The following STK33 variants were observed in gnomAD, a reference collection of about 807,000 sequenced individuals.
STK33 encodes serine/threonine-protein kinase 33.
Under a neutral mutation model 58.0 loss-of-function variants are expected in STK33, and 52 were observed. That is an observed-to-expected ratio of 0.90 (90% CI 0.72 to 1.13). The LOEUF is 1.13. Among genes scored for constraint, STK33 ranks in the 50% most tolerant of loss-of-function variants. The pLI is 0.00. For missense variants in STK33, 630 were observed against 604.2 expected, an observed-to-expected ratio of 1.04 and a Z score of -0.45; for synonymous variants, 215 against 200.1, an observed-to-expected ratio of 1.07 and a Z score of -0.63.
the STK33 span, among the ~76,000 whole-genome samples, chr11:8,355,050 G>A: frequency 6.6e-6 from 1 of 152,268 alleles, no homozygotes; most frequent in African/African-American, 2.4e-5. Flanking sequence ...ACGGGTTCAA[G>A]CAGCGGCCGC....
At chr11:8,531,881 A>G (rs1302059554) in intron 1 of STK33, among the ~76,000 whole-genome samples, 1 of 152,230 alleles carries the variant, frequency 6.6e-6, no homozygotes, top group Non-Finnish European at 1.5e-5. Flanking sequence ...TAGAGGAAAT[A>G]ATTTTCTAGC....
intron 1 of STK33, among the ~76,000 whole-genome samples, chr11:8,515,716 G>T (rs954875761): frequency 1.3e-5 from 2 of 152,070 alleles, no homozygotes; most frequent in African/African-American, 4.8e-5. Flanking sequence ...CATATTAACA[G>T]AATTGAAAAT....
intron 14 of STK33, among the ~76,000 whole-genome samples, chr11:8,432,255 T>A (rs1943513540): frequency 6.6e-6 from 1 of 152,206 alleles, no homozygotes; most frequent in Admixed American, 6.5e-5. Flanking sequence ...GGGGAACTTG[T>A]TAAAAATGTA....
chr11:8,546,140 G>C (rs556307651), intron 1 of STK33, among the ~76,000 whole-genome samples: 6 of 152,324 alleles, frequency 3.9e-5, no homozygotes, highest in African/African-American at 1.4e-4. Flanking sequence ...TTGCAGGACA[G>C]GAAGATACTC....
intron 1 of STK33, among the ~76,000 whole-genome samples, chr11:8,546,141 G>C (rs1955893281): frequency 6.6e-6 from 1 of 152,212 alleles, no homozygotes; most frequent in Non-Finnish European, 1.5e-5. Flanking sequence ...TGCAGGACAG[G>C]AAGATACTCT....
chr11:8,546,271 T>C (rs1193605506), intron 1 of STK33, among the ~76,000 whole-genome samples: 1 of 152,192 alleles, frequency 6.6e-6, no homozygotes, highest in Non-Finnish European at 1.5e-5. Context: ...TTAAAACTTT[T>C]TCTTTCTTCA....
chr11:8,569,779 A>C (rs1957678486), intron 1 of STK33, among the ~76,000 whole-genome samples: 1 of 152,076 alleles, frequency 6.6e-6, no homozygotes, highest in South Asian at 2.1e-4. Context: ...CAACATGGCA[A>C]AACCCCATCT....
At chr11:8,525,187 C>G (rs1397134836) in intron 1 of STK33, among the ~76,000 whole-genome samples, 1 of 152,146 alleles carries the variant, frequency 6.6e-6, no homozygotes, top group Non-Finnish European at 1.5e-5. Context: ...TCCCCCTAAG[C>G]TGATCTAGGG....
the STK33 span, among the ~76,000 whole-genome samples, chr11:8,356,544 C>A: frequency 6.9e-6 from 1 of 144,286 alleles, no homozygotes; most frequent in Non-Finnish European, 1.5e-5. Flanking sequence ...GTGGTGGGGG[C>A]GTGGGGGGAC....
intron 15 of STK33, among the ~76,000 whole-genome samples, chr11:8,410,698 C>T (rs1940097318): frequency 6.6e-6 from 1 of 152,046 alleles, no homozygotes; most frequent in African/African-American, 2.4e-5. Flanking sequence ...GTGTTGAACT[C>T]CTGACCTCAG....
At position 8,496,984 on chromosome 11, in the gene STK33, T is replaced by C. The variant is rs564494130; in HGVS notation, c.-465-16370A>G. 2.0e-3 allele frequency among the ~76,000 whole-genome samples: 303 copies of C among 152,296 alleles called. 1 individual carries two copies. The highest frequency in any genetic ancestry group is 7.8e-3 in the Admixed American group (120 of 15,302). On this transcript the variant is annotated intron_variant, in intron 1 of 15. Transcript: ENST00000687296. ...GCATTGATTTATCTTCATGTATGAATAGTTTTGCATAGCATACAAAATTAT... is the reference window on the plus strand; with the variant it reads ...GCATTGATTTATCTTCATGTATGAACAGTTTTGCATAGCATACAAAATTAT...
At chr11:8,342,406 T>C in the STK33 span, among the ~76,000 whole-genome samples, 3 of 152,206 alleles carry the variant, frequency 2.0e-5, no homozygotes, top group Non-Finnish European at 2.9e-5. Context: ...CAGAGACATA[T>C]GGTAAGATGT....
intron 1 of STK33, among the ~76,000 whole-genome samples, chr11:8,516,971 T>C (rs1274457336): frequency 1.3e-5 from 2 of 152,206 alleles, no homozygotes; most frequent in African/African-American, 4.8e-5. Flanking sequence ...TGTGATGGCT[T>C]TGAAGACAGT....
intron 15 of STK33, among the ~76,000 whole-genome samples, chr11:8,408,695 G>A (rs1413849785): frequency 6.6e-6 from 1 of 152,186 alleles, no homozygotes; most frequent in Non-Finnish European, 1.5e-5. Context: ...GTCACTGGGA[G>A]GACTCACAGG....
intron 1 of STK33, among the ~76,000 whole-genome samples, chr11:8,592,464 T>C (rs2032768891): frequency 6.6e-6 from 1 of 152,174 alleles, no homozygotes; most frequent in Admixed American, 6.5e-5. Context: ...TTTAAAATAA[T>C]AATGCTAATA....
chr11:8,563,347 T>A (rs1240209415), intron 1 of STK33, among the ~76,000 whole-genome samples: 1 of 152,084 alleles, frequency 6.6e-6, no homozygotes, highest in Non-Finnish European at 1.5e-5. Flanking sequence ...GCTGTCTGGG[T>A]TGGTGTCCCA....
intron 14 of STK33, among the ~76,000 whole-genome samples, chr11:8,422,294 T>C (rs776138529): frequency 1.3e-5 from 2 of 152,150 alleles, no homozygotes; most frequent in Non-Finnish European, 2.9e-5. Context: ...CATCATTGTA[T>C]TGTTGGGGAT....
chr11:8,470,634 G>A (rs193119931), intron 6 of STK33, among the ~76,000 whole-genome samples: 293 of 152,168 alleles, frequency 1.9e-3, no homozygotes, highest in African/African-American at 5.2e-3. Flanking sequence ...TCTGGCTTTC[G>A]ATTTAAAGTG....
At chr11:8,404,784 T>C (rs112727183) in intron 15 of STK33, among the ~76,000 whole-genome samples, 175 of 152,358 alleles carry the variant, frequency 1.1e-3, no homozygotes, top group African/African-American at 4.1e-3. Flanking sequence ...TACAAACATA[T>C]ACTACAAATC....
Sources: gnomAD v4.1 joint callset for allele counts (sites outside exome capture counted in the v4.1 genomes callset) on GRCh38, gnomAD v4.1.1 for gene constraint, MANE v1.5 for transcripts, NCBI Gene and HGNC (gene_info 2026-07-23, HGNC 2026-07-21) for gene names.